Variants in TXLNA observed in about 807,000 individuals in gnomAD.
The protein encoded by TXLNA is alpha-taxilin.
A neutral mutation model predicts 61.4 loss-of-function variants in TXLNA; 9 were observed. That is an observed-to-expected ratio of 0.15 (90% CI 0.09 to 0.26). The LOEUF is 0.26. Among genes scored for constraint, TXLNA ranks in the 10% least tolerant of loss-of-function variants. TXLNA has a pLI of 1.00. For missense variants in TXLNA, 565 were observed against 688.8 expected, an observed-to-expected ratio of 0.82 and a Z score of 2.01; for synonymous variants, 257 against 267.7, an observed-to-expected ratio of 0.96 and a Z score of 0.39.
Position 32,192,268 on chromosome 1 carries a change from G to C in TXLNA, c.964-43G>C. 1 of 1,607,196 alleles carries C rather than the reference G, an allele frequency of 6.2e-7. No individual in the cohort carries two copies. Among genetic ancestry groups the C allele is most frequent in the Non-Finnish European group, 8.5e-7 (1 of 1,175,212 alleles). On this transcript the variant is annotated intron_variant, in intron 6 of 10. Coordinates refer to ENST00000373610, the MANE Select transcript of TXLNA (RefSeq NM_175852.4). This position sits in a 1 kb window ranked among gnomAD's most constrained non-coding sequence, Gnocchi z 4.2. ...TGGCTGTGGGGCTACCCTGAGAAAGGGAGCGCCTGACAAGCCGACTGCTCC... is the reference window on the plus strand; with the variant it reads ...TGGCTGTGGGGCTACCCTGAGAAAGCGAGCGCCTGACAAGCCGACTGCTCC...
intron 8 of TXLNA, among the ~76,000 whole-genome samples, chr1:32,193,004 A>G (rs1282437482): frequency 6.6e-6 from 1 of 152,154 alleles, no homozygotes; most frequent in Non-Finnish European, 1.5e-5. Flanking sequence ...TAAAGGCAAA[A>G]TAAAAGTCAC....
intron 4 of TXLNA, among the ~76,000 whole-genome samples, chr1:32,184,880 A>G (rs1314264903): frequency 6.6e-6 from 1 of 152,248 alleles, no homozygotes; most frequent in Non-Finnish European, 1.5e-5. Context: ...AGTCCAAGAC[A>G]CCTTGTGATC....
intron 3 of TXLNA, among the ~76,000 whole-genome samples, chr1:32,182,098 CTTT>C (rs35693792): frequency 4.9e-5 from 5 of 101,704 alleles, no homozygotes; most frequent in Admixed American, 2.2e-4. Flanking sequence ...TGCAGTCAGG[CTTT>C]TTTTTTTTTT....
chr1:32,183,210 G>T (rs1337187990), intron 3 of TXLNA, among the ~76,000 whole-genome samples: 1 of 145,900 alleles, frequency 6.9e-6, no homozygotes, highest in African/African-American at 2.5e-5. Flanking sequence ...TGCAAGCTCC[G>T]CCTCCCGGGT....
chr1:32,181,146 A>T, intron 2 of TXLNA, 96 bp from the exon 3 acceptor site: 2 of 1,098,242 alleles, frequency 1.8e-6, no homozygotes, highest in African/African-American at 1.6e-5. Context: ...GGCAACATTT[A>T]ACTCAAACTG....
chr1:32,185,119 G>A (rs1266190539), intron 4 of TXLNA, among the ~76,000 whole-genome samples: 1 of 152,032 alleles, frequency 6.6e-6, no homozygotes, highest in African/African-American at 2.4e-5. Flanking sequence ...TTTACCTCCT[G>A]GTACATGTAA....
chr1:32,189,957 G>C, intron 5 of TXLNA, 98 bp from the exon 6 acceptor site: 1 of 1,305,088 alleles, frequency 7.7e-7, no homozygotes, highest in Non-Finnish European at 1.1e-6. Flanking sequence ...CGCTTTGGGA[G>C]CAGGGAGGGC....
At chr1:32,181,607 G>A in intron 3 of TXLNA, 30 bp downstream of exon 3, 1 of 1,488,440 alleles carries the variant, frequency 6.7e-7, no homozygotes, top group Non-Finnish European at 9.0e-7. Context: ...TTGTGAAGCT[G>A]GTGAGGAGAG....
rs981983983 is a variant in TXLNA at position 32,192,586 on chromosome 1, G to T, written c.1084-71G>T. 39 of 1,603,002 alleles carry T rather than the reference G, an allele frequency of 2.4e-5. No homozygotes were observed. In the South Asian group the frequency reaches 4.3e-4, roughly 18 times the overall value. ...AGCAGGAAGCCTCAGTGGGTCTGGT[G>T]CTTGTGGCTAAAAACCAAACATAGC... On this transcript the variant is annotated intron_variant, in intron 7 of 10. Transcript: ENST00000373610. The surrounding 1 kb of genome is among the most constrained non-coding windows in gnomAD (Gnocchi z 4.2).
At chr1:32,179,968 TGGGGCCTGA>T (rs1422874459) in intron 1 of TXLNA, 192 bp downstream of exon 1, 1 of 154,926 alleles carries the variant, frequency 6.5e-6, no homozygotes, top group Middle Eastern at 2.8e-3. Flanking sequence ...GGGGCGCACG[TGGGGCCTGA>T]GGGGCGGGGG....
intron 4 of TXLNA, among the ~76,000 whole-genome samples, chr1:32,185,316 A>T (rs1642756996): frequency 6.6e-6 from 1 of 152,192 alleles, no homozygotes; most frequent in African/African-American, 2.4e-5. Flanking sequence ...CCCTTGTCAG[A>T]ATTTGAACTA....
intron 6 of TXLNA, 129 bp downstream of exon 6, chr1:32,190,378 G>A: frequency 1.1e-6 from 1 of 903,884 alleles, no homozygotes; most frequent in Non-Finnish European, 1.6e-6. Context: ...CTCCTTGGGA[G>A]GAGAGTAATG....
chr1:32,195,981 T>C lies in TXLNA; in HGVS notation c.*786T>C, dbSNP rs902265419. The C allele has an allele frequency of 5.2e-6, 1 of 193,282 alleles. No individual in the cohort carries two copies. The highest frequency in any genetic ancestry group is 6.2e-5 in the Admixed American group (1 of 16,228). 12.0% of individuals were successfully genotyped at this position (193,282 alleles called of 1,614,324 possible). ...TTTTTTTCTTTATTTCTTTTTCTTTTTTTTTTTTTTTCTTTTTCTTTTTTT... is the reference window on the plus strand; with the variant it reads ...TTTTTTTCTTTATTTCTTTTTCTTTCTTTTTTTTTTTCTTTTTCTTTTTTT... On this transcript the variant is annotated 3_prime_UTR_variant, in exon 11 of 11. Transcript: ENST00000373610.
At chr1:32,185,669 G>A (rs1642774175) in intron 4 of TXLNA, among the ~76,000 whole-genome samples, 1 of 149,376 alleles carries the variant, frequency 6.7e-6, no homozygotes, top group Non-Finnish European at 1.5e-5. Context: ...CAAAGTGCTG[G>A]GATTACAGGC....
rs993386001 is a variant in TXLNA, at chr1:32,197,395, A to G, written c.*2200A>G. 2.0e-5 allele frequency: 3 copies of G among 152,292 alleles called. No homozygotes were observed. The highest frequency in any genetic ancestry group is 7.2e-5 in the African/African-American group (3 of 41,458). The allele number at this position is 152,292 out of a possible 1,614,324, so 9.4% of individuals were successfully genotyped here. ...CCCAGCTGGGTTTCCCAGGTCAGGA[A>G]TGTGGGCCCCAGGCAAGGTGCAGCC... On this transcript the variant is annotated 3_prime_UTR_variant, in exon 11 of 11. Transcript: ENST00000373610. The surrounding 1 kb of genome is among the most constrained non-coding windows in gnomAD (Gnocchi z 4.6).
At position 32,194,979 on chromosome 1, in the gene TXLNA, G is replaced by A. The variant is rs752485505; in HGVS notation, c.1425G>A (p.Gln475=). The A allele has an allele frequency of 5.0e-6, 8 of 1,614,128 alleles. No individual in the cohort carries two copies. The East Asian group carries it at 1.8e-4, about 36-fold the overall frequency. Residue 475 remains glutamine (Q), a synonymous_variant, in exon 11 of 11, where the codon CAG becomes CAA. Transcript: ENST00000373610. ...TGGAGAAGCTGTGCCGGGCACTGCA[G>A]ACAGAGCGCAATGACCTGAACAAGA... ...QRLEKLCRAL[Q]TERNDLNKRV...
intron 4 of TXLNA, among the ~76,000 whole-genome samples, chr1:32,187,729 C>T (rs1387407110): frequency 6.6e-6 from 1 of 152,066 alleles, no homozygotes; most frequent in Non-Finnish European, 1.5e-5. Flanking sequence ...CCCTGCTTGC[C>T]CTAGTGAGTT....
At position 32,180,448 on chromosome 1, in the gene TXLNA, A is replaced by T; in HGVS notation, c.103A>T (p.Ser35Cys). Residue 35 changes from serine (S) to cysteine (C), a missense_variant, in exon 2 of 11, where the codon AGC (serine) becomes TGC (cysteine). Coordinates refer to ENST00000373610, the MANE Select transcript of TXLNA (RefSeq NM_175852.4). The stretch of plus-strand genomic sequence containing the variant: ...ACCCGAGGGAGCCCAGGAGCGGCCC[A>T]GCCAGGCGGCTCCTGCAGTAGAAGC... ...AGPEGAQERP[S>C]QAAPAVEAEG... is the part of the protein sequence containing the mutation. 6.2e-7 allele frequency: 1 copy of T among 1,613,442 alleles called. No individual in the cohort carries two copies. The highest frequency in any genetic ancestry group is 2.2e-5 in the East Asian group (1 of 44,866).
chr1:32,193,334 G>A (rs1234569424), intron 9 of TXLNA, 34 bp downstream of exon 9: 12 of 1,509,462 alleles, frequency 7.9e-6, no homozygotes, highest in Non-Finnish European at 1.1e-5. Flanking sequence ...TGGCTGCTGG[G>A]GCATAAGCTG....
Sources: gnomAD v4.1 joint callset for allele counts (sites outside exome capture counted in the v4.1 genomes callset) on GRCh38, gnomAD v4.1.1 for gene constraint, Gnocchi (gnomAD v3.1) non-coding constraint, MANE v1.5 for transcripts, NCBI Gene and HGNC (gene_info 2026-07-23, HGNC 2026-07-21) for gene names.